The following SEL1L2 variants were observed in gnomAD, a reference collection of about 807,000 sequenced individuals.
SEL1L2 encodes SEL1L2 adaptor subunit of SYVN1 ubiquitin ligase, also known as protein sel-1 homolog 2.
A neutral mutation model predicts 98.8 loss-of-function variants in SEL1L2; 89 were observed. The ratio of observed to expected loss-of-function variants is 0.90; its 90% CI spans 0.76 to 1.07. SEL1L2 has a LOEUF of 1.07. Among genes scored for constraint, SEL1L2 ranks in the 50% least tolerant of loss-of-function variants. SEL1L2 has a pLI of 0.00. For missense variants in SEL1L2, 788 were observed against 812.0 expected (o/e 0.97, Z 0.36); for synonymous variants, 262 against 278.5 (o/e 0.94, Z 0.59).
At chr20:13,980,095 A>G (rs538965508) in intron 1 of SEL1L2, among the ~76,000 whole-genome samples, 83 of 152,346 alleles carry the variant, frequency 5.4e-4, no homozygotes, top group South Asian at 1.2e-3. Context: ...CAACAGATAT[A>G]TGAGAAAATG....
intron 5 of SEL1L2, among the ~76,000 whole-genome samples, chr20:13,895,393 A>G (rs1280583472): frequency 6.6e-6 from 1 of 151,322 alleles, no homozygotes; most frequent in Non-Finnish European, 1.5e-5. Context: ...CAGTGAGCCA[A>G]GATCACGCCA....
At chr20:13,876,227 T>C (rs2046422706) in intron 11 of SEL1L2, 112 bp from the exon 12 acceptor site, 1 of 757,906 alleles carries the variant, frequency 1.3e-6, no homozygotes, top group South Asian at 1.5e-5. Flanking sequence ...ATGTAGTAAA[T>C]GCCACTGTAA....
Position 13,851,669 on chromosome 20 carries a change from G to A in SEL1L2, c.1819-1350C>T, listed in dbSNP as rs147605650. On this transcript the variant is annotated intron_variant, in intron 18 of 19. Coordinates refer to ENST00000284951, the MANE Select transcript of SEL1L2 (RefSeq NM_025229.2). ...TAGACAAGGTGGAGCTGCTTTTAAA[G>A]GTGAAAGTGCCCTGGGCCAGTCCCA... 9.1e-4 allele frequency among the ~76,000 whole-genome samples: 139 copies of A among 152,104 alleles called. 1 individual carries two copies. Among genetic ancestry groups the A allele is most frequent in the African/African-American group, 3.3e-3 (136 of 41,486 alleles).
intron 10 of SEL1L2, among the ~76,000 whole-genome samples, chr20:13,878,318 T>TC (rs1162376309): frequency 6.6e-6 from 1 of 151,228 alleles, no homozygotes; most frequent in Non-Finnish European, 1.5e-5. Flanking sequence ...TTTTTTTTTT[T>TC]TTCGAGACGG....
At chr20:13,951,982 A>G (rs1486790771) in intron 2 of SEL1L2, among the ~76,000 whole-genome samples, 1 of 152,096 alleles carries the variant, frequency 6.6e-6, no homozygotes. Context: ...GATGGAAATA[A>G]ACAGGATACT....
At chr20:13,903,799 A>T (rs143216469) in intron 5 of SEL1L2, among the ~76,000 whole-genome samples, 2 of 152,076 alleles carry the variant, frequency 1.3e-5, no homozygotes, top group Admixed American at 1.3e-4. Context: ...TGGGCAAAAA[A>T]GTGAGACTCC....
At chr20:13,897,468 A>T (rs1333212878) in intron 5 of SEL1L2, among the ~76,000 whole-genome samples, 1 of 152,210 alleles carries the variant, frequency 6.6e-6, no homozygotes, top group African/African-American at 2.4e-5. Flanking sequence ...ACAGCAATCT[A>T]TGGAAGTGGA....
At chr20:13,903,592 C>G (rs1249486816) in intron 5 of SEL1L2, among the ~76,000 whole-genome samples, 1 of 152,186 alleles carries the variant, frequency 6.6e-6, no homozygotes, top group Non-Finnish European at 1.5e-5. Flanking sequence ...GCAGGCAGAT[C>G]TCTGGAGGTC....
chr20:13,953,371 C>G (rs544863636), intron 2 of SEL1L2, among the ~76,000 whole-genome samples: 23 of 152,286 alleles, frequency 1.5e-4, no homozygotes, highest in Admixed American at 1.4e-3. Flanking sequence ...TGCCGGGTAC[C>G]CTTAGCTAGC....
intron 1 of SEL1L2, among the ~76,000 whole-genome samples, chr20:13,983,868 C>G (rs576008852): frequency 6.6e-6 from 1 of 152,006 alleles, no homozygotes; most frequent in South Asian, 2.1e-4. Flanking sequence ...CTAACTCCTT[C>G]CCTGGTTCTC....
rs1555889816 is a variant in SEL1L2, at chr20:13,939,035, G to GTTTTGTTT, written c.115-7272_115-7265dup. ...TTTTTTCTTTTTGGTTTGTTTGCTTGTTTTGTTTTTTTTTTTTTTTTTTTC... is the reference window on the plus strand; with the variant it reads ...TTTTTTCTTTTTGGTTTGTTTGCTTGTTTTGTTTTTTTGTTTTTTTTTTTTTTTTTTTC... On this transcript the variant is annotated intron_variant, in intron 2 of 19. Transcript: ENST00000284951. 6.7e-4 allele frequency among the ~76,000 whole-genome samples: 21 copies of GTTTTGTTT among 31,474 alleles called. 1 individual carries two copies. Among genetic ancestry groups the GTTTTGTTT allele is most frequent in the African/African-American group, 2.1e-3 (20 of 9,320 alleles). 20.6% of individuals were successfully genotyped at this position (31,474 alleles called of 152,430 possible).
intron 1 of SEL1L2, among the ~76,000 whole-genome samples, chr20:13,983,465 T>C (rs773928862): frequency 4.6e-5 from 7 of 152,138 alleles, no homozygotes; most frequent in Non-Finnish European, 1.0e-4. Flanking sequence ...TAAGGGCTAA[T>C]TTTACCTATG....
At chr20:13,861,137 CGT>C (rs1990064297) in intron 17 of SEL1L2, among the ~76,000 whole-genome samples, 2 of 152,092 alleles carry the variant, frequency 1.3e-5, no homozygotes, top group Non-Finnish European at 2.9e-5. Context: ...CTTTCCAACC[CGT>C]TCTTCACACA....
intron 2 of SEL1L2, among the ~76,000 whole-genome samples, chr20:13,941,714 T>C (rs552153561): frequency 1.4e-3 from 217 of 152,316 alleles, no homozygotes; most frequent in Non-Finnish European, 1.6e-3. Context: ...CAGACCTGTA[T>C]ATGTGGTAAT....
chr20:13,895,572 A>G (rs944338370), intron 5 of SEL1L2, among the ~76,000 whole-genome samples: 1 of 152,206 alleles, frequency 6.6e-6, no homozygotes, highest in Non-Finnish European at 1.5e-5. Flanking sequence ...AAAACACTCA[A>G]CAAACAAGGA....
Position 13,862,367 on chromosome 20 carries a change from G to A in SEL1L2, c.1645+2800C>T, listed in dbSNP as rs183139994. 5.3e-4 allele frequency among the ~76,000 whole-genome samples: 80 copies of A among 152,288 alleles called. 1 individual carries two copies. Among genetic ancestry groups the A allele is most frequent in the Admixed American group, 4.9e-3 (75 of 15,298 alleles). On this transcript the variant is annotated intron_variant, in intron 17 of 19. Transcript: ENST00000284951. ...CAAAGAGAGTGTTGATTGGAAAGAT[G>A]AAGGAACACTCATCTAGGACATCCA...
At chr20:13,955,073 A>G (rs1290518596) in intron 2 of SEL1L2, among the ~76,000 whole-genome samples, 3 of 152,160 alleles carry the variant, frequency 2.0e-5, no homozygotes, top group African/African-American at 7.2e-5. Context: ...TTAATTCAAT[A>G]AACATTTATT....
intron 1 of SEL1L2, among the ~76,000 whole-genome samples, chr20:13,965,149 T>A (rs1335376480): frequency 6.7e-6 from 1 of 148,232 alleles, no homozygotes; most frequent in African/African-American, 2.5e-5. Context: ...GATTCCCACA[T>A]AGGCTGCCAC....
intron 5 of SEL1L2, among the ~76,000 whole-genome samples, chr20:13,912,587 G>A (rs1285282013): frequency 2.6e-5 from 4 of 152,150 alleles, no homozygotes; most frequent in East Asian, 1.9e-4. Flanking sequence ...ATGAGCCACC[G>A]CACCTGGCCC....
Sources: gnomAD v4.1 joint callset for allele counts (sites outside exome capture counted in the v4.1 genomes callset) on GRCh38, gnomAD v4.1.1 for gene constraint, MANE v1.5 for transcripts, NCBI Gene and HGNC (gene_info 2026-07-23, HGNC 2026-07-21) for gene names.